The following NENF variants were observed in gnomAD, a reference collection of about 807,000 sequenced individuals.
NENF encodes neudesin neurotrophic factor, also known as neudesin.
Under a neutral mutation model 14.8 loss-of-function variants are expected in NENF, and 6 were observed. The ratio of observed to expected loss-of-function variants is 0.40; its 90% confidence interval spans 0.22 to 0.80. The LOEUF (loss-of-function observed/expected upper bound fraction) is 0.80. Ranked by LOEUF, NENF falls within the 30% of genes least tolerant of loss-of-function variation. The pLI, the probability that NENF is intolerant of heterozygous loss-of-function variation, is 0.34. For missense variants in NENF, 184 were observed against 212.7 expected (o/e 0.87, Z 0.84); for synonymous variants, 76 against 95.1 (o/e 0.80, Z 1.17).
At chr1:212,441,476 A>T (rs1176345328) in intron 1 of NENF, among the ~76,000 whole-genome samples, 1 of 152,334 alleles carries the variant, frequency 6.6e-6, no homozygotes, top group South Asian at 2.1e-4. Flanking sequence ...TAGGTAGACA[A>T]TATCACTAAT....
chr1:212,436,590 A>G (rs528409823), intron 1 of NENF, among the ~76,000 whole-genome samples: 4 of 152,274 alleles, frequency 2.6e-5, no homozygotes, highest in African/African-American at 7.2e-5. Flanking sequence ...TTACAGGCGT[A>G]AGCCACTGTA....
chr1:212,443,331 A>G (rs1442436003), intron 2 of NENF, among the ~76,000 whole-genome samples: 1 of 152,198 alleles, frequency 6.6e-6, no homozygotes, highest in African/African-American at 2.4e-5. Context: ...CTATTATTTG[A>G]TAACAAACAC....
chr1:212,437,211 T>G (rs1420243768), intron 1 of NENF, among the ~76,000 whole-genome samples: 1 of 152,196 alleles, frequency 6.6e-6, no homozygotes, highest in Non-Finnish European at 1.5e-5. Flanking sequence ...AAACCCAGCT[T>G]GATCTGAAAT....
rs938766073 is a variant in NENF, at chr1:212,433,956, A to G, written c.177+836A>G. Among the ~76,000 whole-genome samples the G allele has an allele frequency of 2.6e-5, 4 of 152,294 alleles. No homozygotes were observed. Among genetic ancestry groups the G allele is most frequent in the South Asian group, 4.1e-4 (2 of 4,828 alleles). On this transcript the variant is annotated intron_variant, in intron 1 of 3. Transcript: ENST00000366988. This position sits in a 1 kb window ranked among gnomAD's most constrained non-coding sequence, Gnocchi z 5.5. ...GCAGGAACCCATCTCCTGCTTTTAC[A>G]CATAAGGAAACTGAGGCCTGCCACC...
chr1:212,443,113 CT>C (rs1401016923), intron 2 of NENF, among the ~76,000 whole-genome samples: 3 of 152,116 alleles, frequency 2.0e-5, no homozygotes, highest in African/African-American at 7.2e-5. Context: ...CTTTTTTCCC[CT>C]GATAATGACA....
intron 1 of NENF, 59 bp from the exon 2 acceptor site, chr1:212,442,506 G>T: frequency 7.8e-7 from 1 of 1,287,170 alleles, no homozygotes; most frequent in Non-Finnish European, 1.1e-6. Flanking sequence ...ATTTTACTAA[G>T]TTGCACTGGA....
intron 1 of NENF, among the ~76,000 whole-genome samples, chr1:212,442,229 C>T (rs1185831752): frequency 6.6e-6 from 1 of 152,260 alleles, no homozygotes; most frequent in Non-Finnish European, 1.5e-5. Context: ...CCAGGCTGGT[C>T]TTGAACCCCT....
intron 3 of NENF, 34 bp from the exon 4 acceptor site, chr1:212,445,796 C>A (rs1558194617): frequency 6.2e-7 from 1 of 1,611,228 alleles, no homozygotes. Flanking sequence ...CACTTAACCC[C>A]ATCTCCTGTC....
chr1:212,433,099 G>A lies in NENF; in HGVS notation c.156G>A (p.Leu52=), dbSNP rs1362521284. ...PPVRLFTEEE[L]ARYGGEEEDQ... ...TGCGGCTTTTCACCGAGGAGGAGCT[G>A]GCCCGCTATGGCGGGGAGGAGGTAG... Residue 52 remains leucine, a synonymous_variant, in exon 1 of 4, where the codon CTG becomes CTA. Transcript: ENST00000366988. The surrounding 1 kb of genome is among the most constrained non-coding windows in gnomAD (Gnocchi z 5.5). The A allele has an allele frequency of 8.4e-7, 1 of 1,197,478 alleles. No individual in the cohort carries two copies. Among genetic ancestry groups the A allele is most frequent in the Non-Finnish European group, 1.0e-6 (1 of 965,390 alleles). 74.2% of individuals were successfully genotyped at this position (1,197,478 alleles called of 1,614,324 possible).
intron 3 of NENF, among the ~76,000 whole-genome samples, chr1:212,445,382 A>G (rs1662763131): frequency 6.6e-6 from 1 of 152,238 alleles, no homozygotes; most frequent in Admixed American, 6.5e-5. Flanking sequence ...AGCCAAACTC[A>G]TAACAAAATG....
intron 1 of NENF, among the ~76,000 whole-genome samples, chr1:212,440,369 A>G (rs190591369): frequency 1.3e-5 from 2 of 152,328 alleles, no homozygotes; most frequent in East Asian, 3.9e-4. Flanking sequence ...ATTGATATAA[A>G]TACATAATCC....
Position 212,442,547 on chromosome 1 carries a change from T to C in NENF, c.178-18T>C. ...TGGCTCTTCCCTTCCTCTTCACAGC[T>C]TCTCCCCTGCTTTCTAGGAAGATCA... is the stretch of plus-strand genomic sequence containing the variant. On this transcript the variant is annotated intron_variant, in intron 1 of 3. Coordinates refer to ENST00000366988, the MANE Select transcript of NENF (RefSeq NM_013349.5). 1 of 1,607,560 alleles carries C rather than the reference T, an allele frequency of 6.2e-7. No homozygotes were observed.
rs371050124 is a variant in NENF, at chr1:212,433,652, C to T, written c.177+532C>T. 2.8e-4 allele frequency among the ~76,000 whole-genome samples: 43 copies of T among 152,118 alleles called. No homozygotes were observed. Among genetic ancestry groups the T allele is most frequent in the African/African-American group, 9.9e-4 (41 of 41,484 alleles). ...TCAAACCCACTTTTAGGTCATGTAC[C>T]CCTGGGGCTCAGCCAAAGCTGGAAG... On this transcript the variant is annotated intron_variant, in intron 1 of 3. Transcript: ENST00000366988. The surrounding 1 kb of genome is among the most constrained non-coding windows in gnomAD (Gnocchi z 5.5).
intron 1 of NENF, among the ~76,000 whole-genome samples, chr1:212,438,260 C>T (rs989267530): frequency 9.2e-5 from 14 of 152,184 alleles, no homozygotes; most frequent in African/African-American, 2.7e-4. Context: ...ACATGTTCAC[C>T]GGTAGCTTTT....
intron 3 of NENF, among the ~76,000 whole-genome samples, chr1:212,445,381 C>G (rs1662763100): frequency 6.6e-6 from 1 of 152,014 alleles, no homozygotes; most frequent in Admixed American, 6.6e-5. Context: ...GAGCCAAACT[C>G]ATAACAAAAT....
chr1:212,444,441 C>G lies in NENF; in HGVS notation c.341C>G (p.Thr114Ser). 1 of 1,590,920 alleles carries G rather than the reference C, an allele frequency of 6.3e-7. No individual in the cohort carries two copies. Among genetic ancestry groups the G allele is most frequent in the Non-Finnish European group, 8.6e-7 (1 of 1,167,706 alleles). The change falls in exon 3 of 4, where the codon ACT (threonine) becomes AGT (serine). Residue 114 changes from threonine (T) to serine (S), a missense_variant and splice_region_variant. Physicochemically the swap from Thr to Ser is moderately conservative, Grantham distance 58. Transcript: ENST00000366988. The part of the protein sequence containing the change: ...SLDPADLTHD[T>S]TGLTAKELEA... ...GATCCTGCAGACCTCACCCATGACA[C>G]TGTGAGCCAGATTATAAGCCTTTGT...
Position 212,444,253 on chromosome 1 carries a change from G to T in NENF, c.239-86G>T, listed in dbSNP as rs534975687. 1.6e-5 allele frequency: 13 copies of T among 796,144 alleles called. No individual in the cohort carries two copies. The East Asian group carries it at 3.2e-4, about 19-fold the overall frequency. The allele number at this position is 796,144 out of a possible 1,614,324, so 49.3% of individuals were successfully genotyped here. A position where few individuals can be genotyped will look rare whatever the true frequency, so the allele number is the denominator to read the frequency against. The stretch of plus-strand genomic sequence containing the variant: ...GGAGTCTTTTTTAGGATTGGGTGCG[G>T]GCCTTGGGAGCGCCCCCACGTGCAA... On this transcript the variant is annotated intron_variant, in intron 2 of 3. Coordinates refer to ENST00000366988, the MANE Select transcript of NENF (RefSeq NM_013349.5).
At chr1:212,445,738 T>C (rs1662768398) in intron 3 of NENF, 92 bp from the exon 4 acceptor site, 1 of 1,258,240 alleles carries the variant, frequency 7.9e-7, no homozygotes, top group Non-Finnish European at 1.1e-6. Flanking sequence ...GCATTAGGGA[T>C]GTGGGAGGCA....
At chr1:212,441,657 G>A (rs969785305) in intron 1 of NENF, among the ~76,000 whole-genome samples, 1 of 152,126 alleles carries the variant, frequency 6.6e-6, no homozygotes. Flanking sequence ...GTGGTGGCGG[G>A]TGCCTGTAAT....
Sources: allele counts gnomAD v4.1 joint callset (sites outside exome capture counted in the v4.1 genomes callset), GRCh38; gene constraint gnomAD v4.1.1; non-coding constraint Gnocchi (gnomAD v3.1); transcripts MANE v1.5; gene names NCBI Gene and HGNC (gene_info 2026-07-23, HGNC 2026-07-21).